MAP3K7CL: variants seen among roughly 807,000 people sequenced by gnomAD.
The protein encoded by MAP3K7CL is MAP3K7 C-terminal-like protein.
MAP3K7CL carries 16 observed loss-of-function variants against 18.6 expected under a neutral mutation model. That is an observed-to-expected ratio of 0.86 (90% CI 0.58 to 1.31). The LOEUF (loss-of-function observed/expected upper bound fraction) is 1.31, where lower values mean the gene tolerates loss of function less well. Ranked by LOEUF, MAP3K7CL falls within the 50% of genes most tolerant of loss-of-function variation. MAP3K7CL has a pLI of 0.00. For missense variants in MAP3K7CL, 163 were observed against 174.4 expected, an observed-to-expected ratio of 0.93 and a Z score of 0.37; for synonymous variants, 65 against 66.8, an observed-to-expected ratio of 0.97 and a Z score of 0.13.
chr21:29,142,915 G>A (rs928395518), intron 2 of MAP3K7CL, among the ~76,000 whole-genome samples: 1 of 152,152 alleles, frequency 6.6e-6, no homozygotes, highest in African/African-American at 2.4e-5. Context: ...CCTACTGAAC[G>A]TTGTACTGAC....
chr21:29,085,368 T>C (rs2146481661), upstream of MAP3K7CL, among the ~76,000 whole-genome samples: 1 of 152,174 alleles, frequency 6.6e-6, no homozygotes, highest in South Asian at 2.1e-4. Context: ...CTTAAAGTGA[T>C]CATTGGCTAT....
intron 4 of MAP3K7CL, among the ~76,000 whole-genome samples, chr21:29,171,553 C>T (rs557072639): frequency 3.3e-5 from 5 of 152,262 alleles, no homozygotes; most frequent in African/African-American, 9.6e-5. Context: ...TGGTGGTTCA[C>T]GCCTGTAATC....
intron 4 of MAP3K7CL, among the ~76,000 whole-genome samples, chr21:29,118,445 A>C (rs1401662138): frequency 1.3e-5 from 2 of 151,794 alleles, no homozygotes; most frequent in Non-Finnish European, 2.9e-5. Context: ...AGAAATATTT[A>C]CTGAGGCCCT....
intron 4 of MAP3K7CL, among the ~76,000 whole-genome samples, chr21:29,093,363 A>AT (rs2086063745): frequency 6.6e-6 from 1 of 152,332 alleles, no homozygotes; most frequent in South Asian, 2.1e-4. Flanking sequence ...CTAATACTGA[A>AT]TTTTTTACCA....
intron 1 of MAP3K7CL, among the ~76,000 whole-genome samples, chr21:29,090,411 C>T (rs1434899286): frequency 6.6e-6 from 1 of 151,794 alleles, no homozygotes; most frequent in Non-Finnish European, 1.5e-5. Context: ...GACAGAGGCT[C>T]ACTCTGTCGC....
chr21:29,143,978 GTA>G (rs571756038), intron 2 of MAP3K7CL, among the ~76,000 whole-genome samples: 54 of 152,240 alleles, frequency 3.5e-4, no homozygotes, highest in African/African-American at 1.3e-3. Flanking sequence ...CTAAATGTAT[GTA>G]ATATAATGGC....
At chr21:29,163,936 A>T (rs2087619567) in intron 4 of MAP3K7CL, among the ~76,000 whole-genome samples, 1 of 151,766 alleles carries the variant, frequency 6.6e-6, no homozygotes, top group Non-Finnish European at 1.5e-5. Flanking sequence ...GACCTACAGC[A>T]ATCCTTCCAC....
chr21:29,096,145 C>CTAAGACTG (rs1345893113), intron 4 of MAP3K7CL, among the ~76,000 whole-genome samples: 1 of 152,132 alleles, frequency 6.6e-6, no homozygotes, highest in Non-Finnish European at 1.5e-5. Flanking sequence ...TTAGTGTCTA[C>CTAAGACTG]CAGCTTAGTT....
At chr21:29,087,845 G>A (rs916415232) in intron 1 of MAP3K7CL, among the ~76,000 whole-genome samples, 1 of 151,848 alleles carries the variant, frequency 6.6e-6, no homozygotes, top group African/African-American at 2.4e-5. Flanking sequence ...CGCCCACCTC[G>A]GCCTCCCAAA....
At chr21:29,091,823 G>A in intron 3 of MAP3K7CL, 1 of 685,952 alleles carries the variant, frequency 1.5e-6, no homozygotes, top group Non-Finnish European at 2.7e-6. Context: ...CCCATCTGCT[G>A]AGTGCTTCCT....
chr21:29,148,831 C>T (rs1174217896), intron 2 of MAP3K7CL, among the ~76,000 whole-genome samples: 1 of 152,206 alleles, frequency 6.6e-6, no homozygotes, highest in African/African-American at 2.4e-5. Flanking sequence ...CCATTAAAGT[C>T]CTTCTGGCCA....
chr21:29,098,450 G>C (rs933315408), intron 4 of MAP3K7CL, among the ~76,000 whole-genome samples: 15 of 151,986 alleles, frequency 9.9e-5, no homozygotes, highest in African/African-American at 3.6e-4. Context: ...GGAGCAGCTG[G>C]AATGATTTTT....
chr21:29,141,775 A>G (rs773860646), intron 2 of MAP3K7CL, among the ~76,000 whole-genome samples: 44 of 152,128 alleles, frequency 2.9e-4, no homozygotes, highest in Non-Finnish European at 6.3e-4. Context: ...TGAAAATCCA[A>G]TGTATATTAA....
chr21:29,118,872 G>A (rs1342078801), intron 4 of MAP3K7CL, among the ~76,000 whole-genome samples: 2 of 152,232 alleles, frequency 1.3e-5, no homozygotes, highest in African/African-American at 4.8e-5. Context: ...ATATGTTAAG[G>A]AGTCAAATAG....
rs552717888 is a variant in MAP3K7CL at position 29,118,929 on chromosome 21, A to G, written c.370+26348A>G. Among the ~76,000 whole-genome samples the G allele has an allele frequency of 9.2e-5, 14 of 152,382 alleles. No individual in the cohort carries two copies. The East Asian group carries it at 2.3e-3, about 25-fold the overall frequency. On this transcript the variant is annotated intron_variant, in intron 4 of 6. Coordinates refer to the MAP3K7CL transcript ENST00000286791. ...AATCCCAAGAGGGCTCAGCCCTCCT[A>G]CTTCCCATATTCCCCATTCCAGAGG...
upstream of MAP3K7CL, among the ~76,000 whole-genome samples, chr21:29,128,581 C>T (rs868734839): frequency 2.6e-5 from 4 of 152,174 alleles, no homozygotes; most frequent in Admixed American, 6.5e-5. Context: ...GGATTACAGG[C>T]GTGAGCCACC....
chr21:29,158,832 C>T (rs989631964), intron 3 of MAP3K7CL, among the ~76,000 whole-genome samples: 13 of 150,478 alleles, frequency 8.6e-5, no homozygotes, highest in Admixed American at 2.6e-4. Context: ...ACTGATATTT[C>T]TCAGATTTTA....
At chr21:29,122,671 TCTCTGCCG>T (rs1292296662) in intron 4 of MAP3K7CL, among the ~76,000 whole-genome samples, 1 of 152,176 alleles carries the variant, frequency 6.6e-6, no homozygotes, top group Admixed American at 6.5e-5. Context: ...TTTCTCTACT[TCTCTGCCG>T]CTCTGCTGCC....
At chr21:29,092,234 A>G in intron 3 of MAP3K7CL, 1 of 556,352 alleles carries the variant, frequency 1.8e-6, no homozygotes, top group Non-Finnish European at 3.2e-6. Context: ...AACATCCAGG[A>G]CTGGAATCCA....
Sources: allele counts gnomAD v4.1 joint callset (sites outside exome capture counted in the v4.1 genomes callset), GRCh38; gene constraint gnomAD v4.1.1; transcripts MANE v1.5; gene names NCBI Gene and HGNC (gene_info 2026-07-23, HGNC 2026-07-21).